Variants in INF2 observed in about 807,000 individuals in gnomAD.
The protein encoded by INF2 is inverted formin-2.
A neutral mutation model predicts 123.5 loss-of-function variants in INF2; 43 were observed. The observed-to-expected ratio is 0.35, with a 90% CI of 0.27 to 0.45. The LOEUF is 0.45. Among genes scored for constraint, INF2 ranks in the 20% least tolerant of loss-of-function variants. The probability of loss-of-function intolerance (pLI) is 1.00; values close to 1 mark genes in which losing one functional copy is unlikely to be tolerated. For missense variants in INF2, 1,453 were observed against 1,682.7 expected (o/e 0.86, Z 2.39); for synonymous variants, 851 against 745.0 (o/e 1.14, Z -2.32).
intron 7 of INF2, 70 bp downstream of exon 7, chr14:104,707,121 G>A (rs953314321): frequency 3.3e-6 from 5 of 1,518,628 alleles, no homozygotes; most frequent in Non-Finnish European, 4.4e-6. Context: ...CCATGGGGGG[G>A]GGAGCCTGCC....
chr14:104,697,413 A>C (rs1044365541), intron 1 of INF2, among the ~76,000 whole-genome samples: 1 of 152,148 alleles, frequency 6.6e-6, no homozygotes, highest in African/African-American at 2.4e-5. Flanking sequence ...TACTCTCCAC[A>C]GCTCGGTGCT....
At chr14:104,710,290 T>A in intron 13 of INF2, 102 bp downstream of exon 13, 1 of 805,386 alleles carries the variant, frequency 1.2e-6, no homozygotes, top group Non-Finnish European at 2.0e-6. Context: ...TCATAATGGC[T>A]GCTAAGAGCA....
chr14:104,718,927 G>T lies in INF2; in HGVS notation c.*134G>T. On this transcript the variant is annotated 3_prime_UTR_variant, in exon 23 of 23. Transcript: ENST00000392634. ...AAACCAAAACTCCGTGCCTTACCCA[G>T]CCGGGGCCCTCCTGGAGCCTTCTTG... The T allele has an allele frequency of 6.7e-7, 1 of 1,489,222 alleles. No homozygotes were observed. Among genetic ancestry groups the T allele is most frequent in the Non-Finnish European group, 8.9e-7 (1 of 1,126,390 alleles). 92.3% of individuals were successfully genotyped at this position (1,489,222 alleles called of 1,614,324 possible). A position where few individuals can be genotyped will look rare whatever the true frequency, so the allele number is the denominator to read the frequency against.
At position 104,699,099 on chromosome 14, in the gene INF2, G is replaced by A. The variant is rs1889344494; in HGVS notation, c.-9-2258G>A. Among the ~76,000 whole-genome samples, 1 of 152,102 alleles carries A rather than the reference G, an allele frequency of 6.6e-6. No individual in the cohort carries two copies. Among genetic ancestry groups the A allele is most frequent in the African/African-American group, 2.4e-5 (1 of 41,402 alleles). On this transcript the variant is annotated intron_variant, in intron 1 of 22. Transcript: ENST00000392634. The surrounding 1 kb of genome is among the most constrained non-coding windows in gnomAD (Gnocchi z 4.7). Reference sequence around the variant, plus strand: ...AGAGGGGCAGTACTCAGGTCAGGGAGCATCTTCTGTGTCCAGGGACACCCT... The same window carrying A: ...AGAGGGGCAGTACTCAGGTCAGGGAACATCTTCTGTGTCCAGGGACACCCT...
At position 104,710,286 on chromosome 14, in the gene INF2, T is replaced by C. The variant is rs933953752; in HGVS notation, c.2239+98T>C. 4 of 845,534 alleles carry C rather than the reference T, an allele frequency of 4.7e-6. No homozygotes were observed. In the African/African-American group the frequency reaches 6.7e-5, roughly 14 times the overall value. 52.4% of individuals were successfully genotyped at this position (845,534 alleles called of 1,614,324 possible). ...GCCCCTGCTACTGCCAGTATCATAA[T>C]GGCTGCTAAGAGCACCTAAGGGTGC... On this transcript the variant is annotated intron_variant, in intron 13 of 22. Transcript: ENST00000392634.
chr14:104,709,631 G>A lies in INF2; in HGVS notation c.2064G>A (p.Leu688=), dbSNP rs1397914403. 1.9e-6 allele frequency: 3 copies of A among 1,612,636 alleles called. No homozygotes were observed. The highest frequency in any genetic ancestry group is 2.2e-5 in the South Asian group (2 of 91,088). ...TCTCCTCCTGGCAGATTGAAAACCTGCGGGCATTCACAGAGGAGCGAGCCA... is the reference window on the plus strand; with the variant it reads ...TCTCCTCCTGGCAGATTGAAAACCTACGGGCATTCACAGAGGAGCGAGCCA... ...LLPEKHEIEN[L]RAFTEERAKL... Residue 688 remains leucine (L), a synonymous_variant, in exon 12 of 23, where the codon CTG becomes CTA. Transcript: ENST00000392634.
At chr14:104,704,415 C>T (rs548372179) in intron 5 of INF2, 23 of 220,752 alleles carry the variant, frequency 1.0e-4, no homozygotes, top group African/African-American at 4.9e-4. Flanking sequence ...CAAGGGTCCC[C>T]AACCGCCAGG....
upstream of INF2, chr14:104,689,589 C>CGA: frequency 4.9e-6 from 4 of 812,976 alleles, no homozygotes; most frequent in Non-Finnish European, 5.9e-6. Flanking sequence ...CCTCCTCTTC[C>CGA]TCCCGCCCGC....
rs1290467030 is a variant in INF2 at position 104,715,301 on chromosome 14, G to A, written c.3712G>A (p.Asp1238Asn). The A allele has an allele frequency of 1.2e-6, 2 of 1,613,538 alleles. No individual in the cohort carries two copies. The highest frequency in any genetic ancestry group is 2.7e-5 in the African/African-American group (2 of 74,942). ...GGAAGCAGAGGTTCCCCCTGATTCTGATGATAATAAAACAAAGAAACTGTG... is the reference window on the plus strand; with the variant it reads ...GGAAGCAGAGGTTCCCCCTGATTCTAATGATAATAAAACAAAGAAACTGTG... ...RSQEEVPPDS[D>N]DNKTKKLCVI... The change falls in exon 22 of 23, where the codon GAT becomes AAT. Residue 1238 changes from aspartate (D) to asparagine (N), a missense_variant. Coordinates refer to ENST00000392634, the MANE Select transcript of INF2 (RefSeq NM_022489.4).
upstream of INF2, chr14:104,689,149 A>T: frequency 1.1e-6 from 1 of 946,074 alleles, no homozygotes; most frequent in Non-Finnish European, 1.3e-6. Context: ...TCTCTCCCCA[A>T]AGCCTGGGAA....
intron 1 of INF2, among the ~76,000 whole-genome samples, chr14:104,693,744 C>T (rs1036774658): frequency 6.6e-6 from 1 of 152,172 alleles, no homozygotes; most frequent in African/African-American, 2.4e-5. Flanking sequence ...GCCAGCTGTG[C>T]GAGGAGGGCC....
chr14:104,702,766 G>T (rs1045516556), intron 2 of INF2, among the ~76,000 whole-genome samples: 1 of 152,254 alleles, frequency 6.6e-6, no homozygotes, highest in Non-Finnish European at 1.5e-5. Flanking sequence ...TCCAGATGGG[G>T]TGGGAGGCAG....
At chr14:104,704,792 A>C (rs1157661069) in intron 5 of INF2, 1 of 152,124 alleles carries the variant, frequency 6.6e-6, no homozygotes, top group Non-Finnish European at 1.5e-5. Context: ...CTAAAATAAA[A>C]ATTTTTTAAA....
upstream of INF2, chr14:104,689,549 C>G (rs1888830883): frequency 1.1e-6 from 1 of 906,998 alleles, no homozygotes; most frequent in Non-Finnish European, 1.3e-6. Flanking sequence ...GCGCTCGCTC[C>G]CCACGTGGCC....
In INF2 at chr14:104,719,177, A is replaced by C; in HGVS notation, c.*384A>C. The C allele has an allele frequency of 3.0e-5, 8 of 266,422 alleles. No homozygotes were observed. The highest frequency in any genetic ancestry group is 5.6e-5 in the Non-Finnish European group (8 of 141,620). 16.5% of individuals were successfully genotyped at this position (266,422 alleles called of 1,614,324 possible). A position where few individuals can be genotyped will look rare whatever the true frequency, so the allele number is the denominator to read the frequency against. ...TTCAGCCCAGCAAGGTTTAATCAAA[A>C]TGCAATGCTTTGCAAGTCTTTACTG... On this transcript the variant is annotated 3_prime_UTR_variant, in exon 23 of 23. Coordinates refer to ENST00000392634, the MANE Select transcript of INF2 (RefSeq NM_022489.4).
intron 2 of INF2, 33 bp downstream of exon 2, chr14:104,701,789 G>C (rs1460260275): frequency 3.4e-6 from 5 of 1,455,664 alleles, no homozygotes; most frequent in Non-Finnish European, 4.5e-6. Flanking sequence ...CGCCCAGGCG[G>C]ACGCTGGGGA....
intron 4 of INF2, 89 bp from the exon 5 acceptor site, chr14:104,703,827 G>A: frequency 5.0e-6 from 8 of 1,602,724 alleles, no homozygotes; most frequent in South Asian, 1.1e-5. Context: ...GTGCAGCAGG[G>A]CAGGGTCAGG....
At chr14:104,689,160 G>A (rs1888794210), upstream of INF2, 1 of 970,970 alleles carries the variant, frequency 1.0e-6, no homozygotes, top group Non-Finnish European at 1.2e-6. Context: ...AGCCTGGGAA[G>A]AGCCATCTCT....
chr14:104,715,760 C>G, intron 22 of INF2: 1 of 494,132 alleles, frequency 2.0e-6, no homozygotes, highest in South Asian at 1.5e-5. Flanking sequence ...CTTTCCTGCT[C>G]TGTCTGTTGG....
Sources: gnomAD v4.1 joint callset for allele counts (sites outside exome capture counted in the v4.1 genomes callset) on GRCh38, gnomAD v4.1.1 for gene constraint, Gnocchi (gnomAD v3.1) non-coding constraint, MANE v1.5 for transcripts, NCBI Gene and HGNC (gene_info 2026-07-23, HGNC 2026-07-21) for gene names.